Variants in PHIP observed in about 807,000 individuals in gnomAD.
PHIP encodes PH-interacting protein.
A neutral mutation model predicts 236.8 loss-of-function variants in PHIP; 54 were observed. The observed-to-expected ratio is 0.23, with a 90% confidence interval of 0.18 to 0.29. The LOEUF (loss-of-function observed/expected upper bound fraction) is 0.29. PHIP is among the 10% of genes least tolerant of loss of function. PHIP has a pLI of 1.00. For missense variants in PHIP, 1,370 were observed against 2,190.8 expected (o/e 0.63, Z 7.48); for synonymous variants, 756 against 718.9 (o/e 1.05, Z -0.83).
chr6:79,049,206 G>A (rs1772664431), intron 6 of PHIP, among the ~76,000 whole-genome samples: 1 of 151,922 alleles, frequency 6.6e-6, no homozygotes, highest in Admixed American at 6.6e-5. Context: ...GGGATTACAG[G>A]TGTGCACCAC....
intron 35 of PHIP, among the ~76,000 whole-genome samples, chr6:78,949,267 T>A (rs191819464): frequency 3.1e-4 from 47 of 152,280 alleles, no homozygotes; most frequent in Admixed American, 6.5e-4. Context: ...AATGATGATC[T>A]GGTACCTGGG....
chr6:78,982,918 T>G lies in PHIP; in HGVS notation c.2737A>C (p.Lys913Gln). 1 of 1,572,088 alleles carries G rather than the reference T, an allele frequency of 6.4e-7. No homozygotes were observed. Among genetic ancestry groups the G allele is most frequent in the Non-Finnish European group, 8.6e-7 (1 of 1,166,360 alleles). The change falls in exon 23 of 40, where the codon AAG becomes CAG. Residue 913 changes from lysine to glutamine, a missense_variant. Physicochemically the swap from Lys to Gln is moderately conservative, Grantham distance 53 (BLOSUM62 1). Transcript: ENST00000275034. ...NEEKDGPISP[K>Q]KKKPKERKQK... ...TTTCTTTCTTTGGGCTTCTTTTTCT[T>G]TGGTGATATTGGTCCATCTTTTTCT...
chr6:78,955,748 G>A (rs1242891897), intron 32 of PHIP, 66 bp from the exon 33 acceptor site: 2 of 608,838 alleles, frequency 3.3e-6, no homozygotes, highest in East Asian at 2.8e-5. Context: ...TTAAAAATTT[G>A]TTCGTAAAAC....
intron 7 of PHIP, among the ~76,000 whole-genome samples, chr6:79,027,580 A>G (rs1771470616): frequency 6.6e-6 from 1 of 152,196 alleles, no homozygotes; most frequent in Admixed American, 6.5e-5. Flanking sequence ...AGATATAAAG[A>G]CACAGTATTC....
intron 13 of PHIP, 110 bp downstream of exon 13, chr6:79,016,434 T>C (rs1770836512): frequency 1.9e-6 from 1 of 515,810 alleles, no homozygotes; most frequent in East Asian, 3.2e-5. Flanking sequence ...CGCAGAAAAG[T>C]AGTAATTTTA....
intron 6 of PHIP, among the ~76,000 whole-genome samples, chr6:79,047,581 G>A (rs1308145813): frequency 6.6e-6 from 1 of 152,062 alleles, no homozygotes; most frequent in African/African-American, 2.4e-5. Flanking sequence ...TTGTCACTAT[G>A]GAGACTTTAA....
chr6:79,018,336 CAT>C (rs2127742975), intron 10 of PHIP, among the ~76,000 whole-genome samples: 1 of 151,922 alleles, frequency 6.6e-6, no homozygotes, highest in South Asian at 2.1e-4. Flanking sequence ...AGAAAATGAA[CAT>C]GTTTGGATAT....
chr6:79,005,257 G>A (rs959759127), intron 15 of PHIP, among the ~76,000 whole-genome samples: 6 of 151,916 alleles, frequency 3.9e-5, no homozygotes, highest in Admixed American at 2.0e-4. Flanking sequence ...TAAGATAGGA[G>A]AAGAAGGTAA....
rs540561944 is a variant in PHIP at position 79,020,171 on chromosome 6, A to T, written c.924-1012T>A. 7.8e-4 allele frequency among the ~76,000 whole-genome samples: 118 copies of T among 151,756 alleles called. 1 individual carries two copies. In the South Asian group the frequency reaches 7.9e-3, roughly 10 times the overall value. ...ATAATTGCGGTTTTGCCTTTTTTTT[A>T]AAAAAAAGCTTTTTACCATTAAAAT... is the stretch of plus-strand genomic sequence containing the variant. On this transcript the variant is annotated intron_variant, in intron 9 of 39. Coordinates refer to ENST00000275034, the MANE Select transcript of PHIP (RefSeq NM_017934.7).
intron 6 of PHIP, among the ~76,000 whole-genome samples, chr6:79,046,677 G>C (rs904977475): frequency 9.2e-5 from 14 of 152,064 alleles, no homozygotes; most frequent in African/African-American, 3.4e-4. Flanking sequence ...AGGAGTTCGA[G>C]ACCAGCCTGG....
At chr6:78,972,247 G>A (rs1366198527) in intron 24 of PHIP, among the ~76,000 whole-genome samples, 4 of 152,190 alleles carry the variant, frequency 2.6e-5, no homozygotes, top group African/African-American at 9.7e-5. Flanking sequence ...CTAACTGGGA[G>A]GCACCCTCCA....
At chr6:79,034,743 G>A (rs1409006913) in intron 7 of PHIP, among the ~76,000 whole-genome samples, 1 of 152,158 alleles carries the variant, frequency 6.6e-6, no homozygotes, top group African/African-American at 2.4e-5. Context: ...AAACTATGAA[G>A]TAGACAATTA....
chr6:78,982,352 G>A (rs1213004923), intron 23 of PHIP, among the ~76,000 whole-genome samples: 6 of 151,910 alleles, frequency 3.9e-5, no homozygotes, highest in African/African-American at 1.4e-4. Flanking sequence ...TACTGCTACT[G>A]ACCAAAGGAC....
intron 27 of PHIP, among the ~76,000 whole-genome samples, chr6:78,967,430 G>T (rs1350334046): frequency 6.6e-6 from 1 of 152,184 alleles, no homozygotes; most frequent in African/African-American, 2.4e-5. Context: ...AGTAATGTGT[G>T]CCTAATCATA....
Position 78,936,147 on chromosome 6 carries a change from AATTT to A in PHIP, c.*4542_*4545del, listed in dbSNP as rs1773265170. On this transcript the variant is annotated 3_prime_UTR_variant, in exon 40 of 40. Coordinates refer to ENST00000275034, the MANE Select transcript of PHIP (RefSeq NM_017934.7). ...CAAACTTCAATAAAGCTAAATAATT[AATTT>A]GTTTTAAAACTCTGTGTTACTTATT... 6.6e-6 allele frequency: 1 copy of A among 152,010 alleles called. No homozygotes were observed. The highest frequency in any genetic ancestry group is 2.4e-5 in the African/African-American group (1 of 41,426). 9.4% of individuals were successfully genotyped at this position (152,010 alleles called of 1,614,324 possible). A position where few individuals can be genotyped will look rare whatever the true frequency, so the allele number is the denominator to read the frequency against.
At chr6:78,976,596 A>G (rs1178304416) in intron 24 of PHIP, among the ~76,000 whole-genome samples, 1 of 140,420 alleles carries the variant, frequency 7.1e-6, no homozygotes, top group African/African-American at 2.6e-5. Flanking sequence ...GCAACCTACA[A>G]AATGGGAGAA....
At chr6:78,972,834 C>G (rs941713243) in intron 24 of PHIP, among the ~76,000 whole-genome samples, 82 of 151,920 alleles carry the variant, frequency 5.4e-4, no homozygotes, top group Non-Finnish European at 1.1e-3. Flanking sequence ...GAGAAAAAAA[C>G]AATAAAAAGA....
chr6:78,961,905 C>T, intron 30 of PHIP, 95 bp from the exon 31 acceptor site: 1 of 912,952 alleles, frequency 1.1e-6, no homozygotes, highest in East Asian at 2.8e-5. Context: ...AAGTCCTAAT[C>T]TACATAATCA....
intron 4 of PHIP, among the ~76,000 whole-genome samples, chr6:79,075,580 C>G: frequency 8.3e-6 from 1 of 120,152 alleles, no homozygotes. Context: ...TCCCCCCACC[C>G]TCCCCCCAAA....
Sources: allele counts gnomAD v4.1 joint callset (sites outside exome capture counted in the v4.1 genomes callset), GRCh38; gene constraint gnomAD v4.1.1; transcripts MANE v1.5; gene names NCBI Gene and HGNC (gene_info 2026-07-23, HGNC 2026-07-21).